UBAP2: variants seen among roughly 807,000 people sequenced by gnomAD.
The protein encoded by UBAP2 is ubiquitin associated protein 2, also known as ubiquitin-associated protein 2.
In UBAP2, 75 loss-of-function variants were observed where a neutral mutation model predicts 139.6. The observed-to-expected ratio is 0.54, with a 90% CI of 0.45 to 0.65. The LOEUF (loss-of-function observed/expected upper bound fraction) is 0.65. UBAP2 is among the 30% of genes least tolerant of loss of function. The pLI, the probability that UBAP2 is intolerant of heterozygous loss-of-function variation, is 0.00. For synonymous variants in UBAP2, 526 were observed against 526.2 expected (o/e 1.00, Z 0.01); for missense variants, 1,368 against 1,369.6 (o/e 1.00, Z 0.02).
chr9:34,020,225 ATAC>A (rs1196750042), intron 1 of UBAP2, among the ~76,000 whole-genome samples: 1 of 151,856 alleles, frequency 6.6e-6, no homozygotes, highest in Non-Finnish European at 1.5e-5. Context: ...AGGATCATCA[ATAC>A]TACCGTCTTC....
At chr9:34,002,948 A>G (rs1176345493) in intron 2 of UBAP2, among the ~76,000 whole-genome samples, 1 of 152,140 alleles carries the variant, frequency 6.6e-6, no homozygotes, top group Non-Finnish European at 1.5e-5. Context: ...TCAGCCTCCC[A>G]AAGCGCTAGG....
chr9:33,948,192 AAAAC>A (rs1451943661), intron 13 of UBAP2, among the ~76,000 whole-genome samples, 178 bp downstream of exon 13: 1 of 152,188 alleles, frequency 6.6e-6, no homozygotes, highest in African/African-American at 2.4e-5. Flanking sequence ...AACAACAACA[AAAAC>A]AAATAAATGC....
intron 2 of UBAP2, among the ~76,000 whole-genome samples, chr9:34,003,163 T>C (rs919070072): frequency 6.7e-6 from 1 of 150,342 alleles, no homozygotes; most frequent in Admixed American, 6.6e-5. Flanking sequence ...ACAATTCTCA[T>C]GCTTGGGACT....
At chr9:33,989,913 G>C (rs1168727568) in intron 4 of UBAP2, among the ~76,000 whole-genome samples, 1 of 152,010 alleles carries the variant, frequency 6.6e-6, no homozygotes, top group Non-Finnish European at 1.5e-5. Flanking sequence ...TAAAATTTTA[G>C]CTTGGTTTTG....
chr9:33,978,655 CT>C lies in UBAP2; in HGVS notation c.521-5419del, dbSNP rs374350605. Among the ~76,000 whole-genome samples the C allele has an allele frequency of 7.9e-5, 12 of 152,144 alleles. No homozygotes were observed. In the South Asian group the frequency reaches 2.3e-3, roughly 29 times the overall value. The stretch of plus-strand genomic sequence containing the variant: ...ATTAGCCCGATGTGCTGGCGGGTGC[CT>C]ATAGTCCCAACTATTCGGGAGGCTG... On this transcript the variant is annotated intron_variant, in intron 6 of 28. Transcript: ENST00000379238.
intron 19 of UBAP2, among the ~76,000 whole-genome samples, chr9:33,931,356 C>T (rs962854626): frequency 6.6e-6 from 1 of 152,138 alleles, no homozygotes; most frequent in African/African-American, 2.4e-5. Context: ...AGTATGGGAC[C>T]CACTGGATGA....
chr9:33,929,027 A>G (rs542506382), intron 19 of UBAP2, among the ~76,000 whole-genome samples: 4 of 152,294 alleles, frequency 2.6e-5, no homozygotes, highest in South Asian at 4.1e-4. Context: ...CTGGGGCTCC[A>G]AGGCGTCTTG....
At chr9:34,032,204 T>G (rs1277440198) in intron 1 of UBAP2, among the ~76,000 whole-genome samples, 2 of 152,152 alleles carry the variant, frequency 1.3e-5, no homozygotes, top group Non-Finnish European at 2.9e-5. Flanking sequence ...TCCCTAAACG[T>G]AGCTAAACAC....
chr9:33,943,347 G>T, intron 15 of UBAP2, 73 bp downstream of exon 15: 1 of 1,464,014 alleles, frequency 6.8e-7, no homozygotes, highest in Non-Finnish European at 9.4e-7. Flanking sequence ...ATTACCACAG[G>T]ATGTATTCTT....
chr9:33,951,032 TATTA>T (rs1826050566), intron 12 of UBAP2, among the ~76,000 whole-genome samples: 5 of 152,306 alleles, frequency 3.3e-5, no homozygotes, highest in South Asian at 4.1e-4. Context: ...CTAGGTTCAT[TATTA>T]ATTATTATTT....
intron 11 of UBAP2, among the ~76,000 whole-genome samples, chr9:33,954,942 A>G (rs1826424442): frequency 6.6e-6 from 1 of 152,158 alleles, no homozygotes; most frequent in Non-Finnish European, 1.5e-5. Context: ...CTACACTTTG[A>G]AACCACTTTC....
intron 1 of UBAP2, among the ~76,000 whole-genome samples, chr9:34,039,453 CTG>C (rs1471878902): frequency 3.9e-5 from 6 of 152,148 alleles, no homozygotes; most frequent in Non-Finnish European, 7.4e-5. Context: ...CAGATTGTTG[CTG>C]TGTTTGTGTA....
chr9:34,036,198 T>A (rs2131349115), intron 1 of UBAP2, among the ~76,000 whole-genome samples: 1 of 151,618 alleles, frequency 6.6e-6, no homozygotes, highest in South Asian at 2.1e-4. Context: ...CACTGCAACC[T>A]CCGCCTCCCA....
At chr9:33,962,127 G>C (rs756249600) in intron 9 of UBAP2, among the ~76,000 whole-genome samples, 1 of 152,076 alleles carries the variant, frequency 6.6e-6, no homozygotes. Context: ...CACACACAGG[G>C]ATATAAAGGA....
chr9:33,970,393 A>C (rs1478886375), intron 8 of UBAP2, among the ~76,000 whole-genome samples: 3 of 149,612 alleles, frequency 2.0e-5, no homozygotes, highest in Non-Finnish European at 4.5e-5. Flanking sequence ...GTACTCTCTT[A>C]TTTTTTGGCT....
At chr9:33,944,225 GC>G in intron 14 of UBAP2, 139 bp downstream of exon 14, 1 of 1,127,742 alleles carries the variant, frequency 8.9e-7, no homozygotes, top group African/African-American at 1.5e-5. Context: ...CTCAGAAATG[GC>G]CATATCCTTA....
intron 24 of UBAP2, 136 bp downstream of exon 24, chr9:33,923,659 C>T: frequency 1.8e-6 from 2 of 1,099,180 alleles, no homozygotes; most frequent in Admixed American, 1.8e-5. Context: ...TTGTCCCCAG[C>T]CTGAACAGTT....
chr9:33,986,771 G>C lies in UBAP2; in HGVS notation c.509C>G (p.Ala170Gly). The change falls in exon 6 of 29, where the codon GCC becomes GGC. Residue 170 changes from alanine (A) to glycine (G), a missense_variant. Physicochemically the swap from Ala to Gly is moderately conservative, Grantham distance 60 (BLOSUM62 0). Transcript: ENST00000379238. Reference sequence around the variant, plus strand: ...TTACTCTAGCTTACCTCTACCCCGGGCTCGCTTGCCACGATCTGAAGGTTT... The same window carrying C: ...TTACTCTAGCTTACCTCTACCCCGGCCTCGCTTGCCACGATCTGAAGGTTT... ...VDKPSDRGKR[A>G]RGRGFGRGRG... 1 of 1,613,890 alleles carries C rather than the reference G, an allele frequency of 6.2e-7. No homozygotes were observed. The highest frequency in any genetic ancestry group is 8.5e-7 in the Non-Finnish European group (1 of 1,179,944).
At chr9:33,947,824 CAAAA>C (rs67708083) in intron 13 of UBAP2, among the ~76,000 whole-genome samples, 1 of 139,102 alleles carries the variant, frequency 7.2e-6, no homozygotes. Flanking sequence ...GATCCTGACT[CAAAA>C]AAAAAAAAAA....
Sources: gnomAD v4.1 joint callset for allele counts (sites outside exome capture counted in the v4.1 genomes callset) on GRCh38, gnomAD v4.1.1 for gene constraint, MANE v1.5 for transcripts, NCBI Gene and HGNC (gene_info 2026-07-23, HGNC 2026-07-21) for gene names.